Variants in GNRHR observed in about 807,000 individuals in gnomAD.
The protein encoded by GNRHR is gonadotropin releasing hormone receptor.
GNRHR carries 14 observed loss-of-function variants against 28.1 expected under a neutral mutation model. The ratio of observed to expected loss-of-function variants is 0.50; its 90% CI spans 0.33 to 0.78. The LOEUF (loss-of-function observed/expected upper bound fraction) is 0.78, where lower values mean the gene tolerates loss of function less well. Ranked by LOEUF, GNRHR falls within the 30% of genes least tolerant of loss-of-function variation. The probability of loss-of-function intolerance (pLI) is 0.02; values close to 1 mark genes in which losing one functional copy is unlikely to be tolerated. For synonymous variants in GNRHR, 141 were observed against 140.5 expected, an observed-to-expected ratio of 1.00 and a Z score of -0.02; for missense variants, 366 against 382.1, an observed-to-expected ratio of 0.96 and a Z score of 0.35.
Position 67,740,269 on chromosome 4 carries a change from T to C in GNRHR, c.*211A>G. ...AGGCAGAGATTAATTTAGAAGCTTA[T>C]GAGGAAGAGAAAATATTTTAGTATT... is the stretch of plus-strand genomic sequence containing the variant. On this transcript the variant is annotated 3_prime_UTR_variant, in exon 3 of 3. Coordinates refer to ENST00000226413, the MANE Select transcript of GNRHR (RefSeq NM_000406.3). 1 of 524,406 alleles carries C rather than the reference T, an allele frequency of 1.9e-6. No individual in the cohort carries two copies. Among genetic ancestry groups the C allele is most frequent in the South Asian group, 2.2e-5 (1 of 45,188 alleles). 32.5% of individuals were successfully genotyped at this position (524,406 alleles called of 1,614,324 possible).
intron 1 of GNRHR, among the ~76,000 whole-genome samples, chr4:67,745,862 C>A (rs1731744189): frequency 6.6e-6 from 1 of 151,902 alleles, no homozygotes; most frequent in Non-Finnish European, 1.5e-5. Context: ...AGGACAAATC[C>A]CAACTGAGAG....
intron 2 of GNRHR, 145 bp downstream of exon 2, chr4:67,744,423 C>T (rs1731717536): frequency 1.5e-6 from 1 of 669,690 alleles, no homozygotes; most frequent in Admixed American, 2.2e-5. Context: ...AAAATATTAC[C>T]TTATGGGGTG....
Position 67,752,273 on chromosome 4 carries a change from T to C in GNRHR, c.522+1541A>G, listed in dbSNP as rs577487822. 6.8e-4 allele frequency among the ~76,000 whole-genome samples: 104 copies of C among 152,004 alleles called. 1 individual carries two copies. Among genetic ancestry groups the C allele is most frequent in the African/African-American group, 2.5e-3 (102 of 41,482 alleles). On this transcript the variant is annotated intron_variant, in intron 1 of 2. Transcript: ENST00000226413. ...CGAGATTGCAGTGCAGTTGCAGTGA[T>C]GCATCATGGCTCTCTGCAACCTCTG...
At chr4:67,747,612 AT>A (rs1254004174) in intron 1 of GNRHR, among the ~76,000 whole-genome samples, 3 of 152,150 alleles carry the variant, frequency 2.0e-5, no homozygotes, top group Admixed American at 6.6e-5. Context: ...AATTAAAAAA[AT>A]AAAATATGTT....
intron 1 of GNRHR, among the ~76,000 whole-genome samples, chr4:67,752,110 C>T (rs1731879623): frequency 6.6e-6 from 1 of 152,172 alleles, no homozygotes; most frequent in Non-Finnish European, 1.5e-5. Context: ...ACCACCCTAG[C>T]CCCCTGATCA....
rs1247105706 is a variant in GNRHR at position 67,740,355 on chromosome 4, T to A, written c.*125A>T. On this transcript the variant is annotated 3_prime_UTR_variant, in exon 3 of 3. Coordinates refer to ENST00000226413, the MANE Select transcript of GNRHR (RefSeq NM_000406.3). ...GAAGACTGAGTTTCTAAAAGAATGA[T>A]AACTTAAGTGTAAATCCTACTTTGT... 1.1e-5 allele frequency: 8 copies of A among 750,396 alleles called. No homozygotes were observed. The Admixed American group carries it at 1.7e-4, about 16-fold the overall frequency. The allele number at this position is 750,396 out of a possible 1,614,324, so 46.5% of individuals were successfully genotyped here.
chr4:67,752,789 C>T (rs1046050103), intron 1 of GNRHR, among the ~76,000 whole-genome samples: 1 of 110,134 alleles, frequency 9.1e-6, no homozygotes, highest in Non-Finnish European at 2.0e-5. Flanking sequence ...ATAGTGAGTT[C>T]TGCATGGCAG....
Position 67,740,585 on chromosome 4 carries a change from A to G in GNRHR, c.882T>C (p.Pro294=). The change falls in exon 3 of 3, where the codon CCT becomes CCC. Residue 294 remains proline, a synonymous_variant. Transcript: ENST00000226413. Reference sequence around the variant, plus strand: ...GGTCTGACAACCTGTTTAACATTTCAGGATCAAACCAATACCAAATTCCTA... The same window carrying G: ...GGTCTGACAACCTGTTTAACATTTCGGGATCAAACCAATACCAAATTCCTA... ...YVLGIWYWFD[P]EMLNRLSDPV... is the part of the protein sequence containing the mutation. 1 of 1,612,366 alleles carries G rather than the reference A, an allele frequency of 6.2e-7. No homozygotes were observed. Among genetic ancestry groups the G allele is most frequent in the Non-Finnish European group, 8.5e-7 (1 of 1,178,374 alleles).
intron 1 of GNRHR, among the ~76,000 whole-genome samples, chr4:67,748,036 T>G (rs1289314581): frequency 6.6e-6 from 1 of 151,934 alleles, no homozygotes; most frequent in Non-Finnish European, 1.5e-5. Context: ...TGTCCTTGGA[T>G]TATATTTCTT....
chr4:67,753,830 A>G lies in GNRHR; in HGVS notation c.506T>C (p.Val169Ala). The change falls in exon 1 of 3, where the codon GTC becomes GCC. Residue 169 changes from valine (V) to alanine (A), a missense_variant. By Grantham distance (64) the Val-to-Ala change is moderately conservative. Transcript: ENST00000226413. Reference protein sequence around the residue: ...MVGLAWILSSVFAGPQLYIFR... With the variant: ...MVGLAWILSSAFAGPQLYIFR... ...ATGGCTTACCTGTGGTCCTGCAAAG[A>G]CACTACTGAGGATCCAGGCCAGGCC... 1 of 1,613,454 alleles carries G rather than the reference A, an allele frequency of 6.2e-7. No homozygotes were observed. Among genetic ancestry groups the G allele is most frequent in the Non-Finnish European group, 8.5e-7 (1 of 1,179,672 alleles).
At position 67,739,629 on chromosome 4, in the gene GNRHR, A is replaced by C. The variant is rs181403929; in HGVS notation, c.*851T>G. ...TTAGTAAGATCAGGAGAGAGACAAA[A>C]AATTCTTCACATTAAAATAGAAGTC... On this transcript the variant is annotated 3_prime_UTR_variant, in exon 3 of 3. Coordinates refer to ENST00000226413, the MANE Select transcript of GNRHR (RefSeq NM_000406.3). 3 of 152,180 alleles carry C rather than the reference A, an allele frequency of 2.0e-5. No individual in the cohort carries two copies. The East Asian group carries it at 5.8e-4, about 29-fold the overall frequency. 9.4% of individuals were successfully genotyped at this position (152,180 alleles called of 1,614,324 possible).
Position 67,738,548 on chromosome 4 carries a change from T to C in GNRHR, c.*1932A>G, listed in dbSNP as rs1246726090. 2.0e-5 allele frequency among the ~76,000 whole-genome samples: 3 copies of C among 151,924 alleles called. No homozygotes were observed. The highest frequency in any genetic ancestry group is 7.2e-5 in the African/African-American group (3 of 41,424). On this transcript the variant is annotated 3_prime_UTR_variant, in exon 3 of 3. Transcript: ENST00000226413. ...GATACATTCGTTAACACGTGTGTGA[T>C]AAAGCCCTTAGATTGTATCTGTACA...
chr4:67,754,239 A>C lies in GNRHR; in HGVS notation c.97T>G (p.Leu33Val). ...ACCGTCACTCGGATCTTTCCAGACA[A>C]GGTCAGAGTGGGGAGGTTGCCCTGC... ...LMQGNLPTLT[L>V]SGKIRVTVTF... Residue 33 changes from leucine to valine, a missense_variant, in exon 1 of 3, where the codon TTG (leucine) becomes GTG (valine). Leu to Val is a conservative substitution (Grantham distance 32). Transcript: ENST00000226413. 6.2e-7 allele frequency: 1 copy of C among 1,614,078 alleles called. No homozygotes were observed. Among genetic ancestry groups the C allele is most frequent in the Non-Finnish European group, 8.5e-7 (1 of 1,179,912 alleles).
intron 1 of GNRHR, among the ~76,000 whole-genome samples, chr4:67,746,525 A>T (rs956322307): frequency 6.6e-6 from 1 of 152,112 alleles, no homozygotes; most frequent in African/African-American, 2.4e-5. Flanking sequence ...GTGAAACATT[A>T]TTAAAATGAA....
chr4:67,740,554 T>C lies in GNRHR; in HGVS notation c.913A>G (p.Asn305Asp), dbSNP rs754571423. The change falls in exon 3 of 3, where the codon AAT becomes GAT. Residue 305 changes from asparagine to aspartate, a missense_variant. Physicochemically the swap from Asn to Asp is conservative, Grantham distance 23. Coordinates refer to ENST00000226413, the MANE Select transcript of GNRHR (RefSeq NM_000406.3). ...EMLNRLSDPV[N>D]HFFFLFAFLN... ...AAGGCAAAGAGAAAGAAGAAGTGAT[T>C]TACTGGGTCTGACAACCTGTTTAAC... 1 of 1,607,122 alleles carries C rather than the reference T, an allele frequency of 6.2e-7. No individual in the cohort carries two copies. Among genetic ancestry groups the C allele is most frequent in the Non-Finnish European group, 8.5e-7 (1 of 1,173,750 alleles).
At chr4:67,745,236 A>G (rs1731733621) in intron 1 of GNRHR, among the ~76,000 whole-genome samples, 1 of 152,098 alleles carries the variant, frequency 6.6e-6, no homozygotes, top group African/African-American at 2.4e-5. Context: ...AAAAATGGTC[A>G]AAAGACATGA....
chr4:67,743,204 G>A (rs1288504491), intron 2 of GNRHR, among the ~76,000 whole-genome samples: 1 of 152,004 alleles, frequency 6.6e-6, no homozygotes, highest in Non-Finnish European at 1.5e-5. Flanking sequence ...CACCTGCTTC[G>A]GCCTCCCAAA....
intron 1 of GNRHR, among the ~76,000 whole-genome samples, chr4:67,752,926 G>A (rs1386380910): frequency 1.3e-5 from 2 of 152,098 alleles, no homozygotes; most frequent in African/African-American, 4.8e-5. Flanking sequence ...ACACATCCTT[G>A]TATCCTGGGT....
chr4:67,744,825 A>G (rs1043101655), intron 1 of GNRHR, 38 bp from the exon 2 acceptor site: 7 of 1,225,936 alleles, frequency 5.7e-6, no homozygotes, highest in African/African-American at 1.5e-5. Context: ...ACTTTTTTCC[A>G]TATGGTATTT....
Sources: gnomAD v4.1 joint callset for allele counts (sites outside exome capture counted in the v4.1 genomes callset) on GRCh38, gnomAD v4.1.1 for gene constraint, MANE v1.5 for transcripts, NCBI Gene and HGNC (gene_info 2026-07-23, HGNC 2026-07-21) for gene names.